The following TDRP variants were observed in gnomAD, a reference collection of about 807,000 sequenced individuals.
TDRP encodes the protein testis development related protein.
In TDRP, 12 loss-of-function variants were observed where a neutral mutation model predicts 10.5. The observed-to-expected ratio is 1.15, with a 90% CI of 0.73 to 1.86. The LOEUF is 1.86. Ranked by LOEUF, TDRP falls within the 40% of genes most tolerant of loss-of-function variation. The pLI is 0.00. For missense variants in TDRP, 353 were observed against 229.2 expected (o/e 1.54, Z -3.49); for synonymous variants, 139 against 95.4 (o/e 1.46, Z -2.67).
chr8:527,559 C>A (rs1802065563), intron 1 of TDRP, among the ~76,000 whole-genome samples: 1 of 152,128 alleles, frequency 6.6e-6, no homozygotes, highest in African/African-American at 2.4e-5. Context: ...CAAAAAGACA[C>A]ATAGGCCAAT....
chr8:545,015 G>A (rs866240667), upstream of TDRP: 1,770 of 287,030 alleles, frequency 6.2e-3, 42 homozygotes, highest in African/African-American at 0.038. Context: ...TCAGGACCAG[G>A]CCCGCCCCAA....
chr8:539,589 G>T (rs988851938), intron 1 of TDRP, among the ~76,000 whole-genome samples: 10 of 152,170 alleles, frequency 6.6e-5, no homozygotes, highest in Non-Finnish European at 1.3e-4. Context: ...TTTACTGCAG[G>T]TTAATGTCTG....
At position 491,748 on chromosome 8, in the gene TDRP, ATTCC is replaced by A; in HGVS notation, c.*647_*650del. 3 of 1,404,840 alleles carry A rather than the reference ATTCC, an allele frequency of 2.1e-6. No homozygotes were observed. Among genetic ancestry groups the A allele is most frequent in the South Asian group, 1.7e-5 (1 of 58,156 alleles). 87.0% of individuals were successfully genotyped at this position (1,404,840 alleles called of 1,614,324 possible). A position where few individuals can be genotyped will look rare whatever the true frequency, so the allele number is the denominator to read the frequency against. ...GAAGTTCAAAAGAGGTAAAAATAAA[ATTCC>A]AAAAAAGAACCACTGTTACTATCCA... On this transcript the variant is annotated 3_prime_UTR_variant, in exon 3 of 3. Coordinates refer to ENST00000324079, the MANE Select transcript of TDRP (RefSeq NM_001384899.1).
At chr8:499,253 A>G (rs1325154458) in intron 1 of TDRP, among the ~76,000 whole-genome samples, 1 of 147,304 alleles carries the variant, frequency 6.8e-6, no homozygotes, top group Non-Finnish European at 1.5e-5. Flanking sequence ...TTGTTTTTGG[A>G]GGCAGGGTCT....
At chr8:507,512 A>G (rs1320732305) in intron 1 of TDRP, among the ~76,000 whole-genome samples, 1 of 152,138 alleles carries the variant, frequency 6.6e-6, no homozygotes, top group Non-Finnish European at 1.5e-5. Context: ...ATCAGCAGCA[A>G]TTACTGGAAT....
chr8:521,717 T>C (rs1322387052), intron 1 of TDRP, among the ~76,000 whole-genome samples: 1 of 152,216 alleles, frequency 6.6e-6, no homozygotes, highest in Non-Finnish European at 1.5e-5. Context: ...TTGTTTTAGC[T>C]ATTCAGGTCA....
chr8:525,034 G>C (rs968265090), intron 1 of TDRP, among the ~76,000 whole-genome samples: 1 of 152,092 alleles, frequency 6.6e-6, no homozygotes, highest in African/African-American at 2.4e-5. Flanking sequence ...AACTCCTAAA[G>C]ACCAAAGATA....
chr8:542,417 C>G (rs1407245375), intron 1 of TDRP, among the ~76,000 whole-genome samples: 2 of 151,838 alleles, frequency 1.3e-5, no homozygotes, highest in Non-Finnish European at 2.9e-5. Context: ...GTAACAAACG[C>G]ACCATTCTGT....
intron 1 of TDRP, among the ~76,000 whole-genome samples, chr8:539,055 G>A (rs1802422660): frequency 6.6e-6 from 1 of 152,124 alleles, no homozygotes; most frequent in Non-Finnish European, 1.5e-5. Flanking sequence ...TCCCCCTGAA[G>A]GCATCAATAG....
intron 1 of TDRP, among the ~76,000 whole-genome samples, chr8:511,200 T>C (rs1341062267): frequency 6.6e-6 from 1 of 152,174 alleles, no homozygotes; most frequent in Non-Finnish European, 1.5e-5. Context: ...ACACTGGATT[T>C]TTAAAATACA....
intron 1 of TDRP, 90 bp from the exon 2 acceptor site, chr8:494,687 A>C: frequency 8.5e-7 from 1 of 1,179,814 alleles, no homozygotes; most frequent in Non-Finnish European, 1.2e-6. Flanking sequence ...GTTGAAATTT[A>C]GAAAAAAGAA....
intron 1 of TDRP, among the ~76,000 whole-genome samples, chr8:516,633 A>G (rs964737549): frequency 3.3e-5 from 5 of 152,194 alleles, no homozygotes; most frequent in African/African-American, 1.2e-4. Context: ...ATGGAGCAGC[A>G]GGAACTCTCG....
chr8:529,269 T>C (rs1345128226), intron 1 of TDRP, among the ~76,000 whole-genome samples: 1 of 152,168 alleles, frequency 6.6e-6, no homozygotes, highest in Admixed American at 6.5e-5. Context: ...CCCCTAAATA[T>C]ACACACCTAC....
At chr8:500,926 G>C (rs1020358256) in intron 1 of TDRP, among the ~76,000 whole-genome samples, 2 of 152,190 alleles carry the variant, frequency 1.3e-5, no homozygotes, top group Admixed American at 6.5e-5. Flanking sequence ...ACATGAGCAG[G>C]CCGGGCGCGG....
At chr8:494,031 T>C (rs1801059384) in intron 2 of TDRP, among the ~76,000 whole-genome samples, 1 of 143,974 alleles carries the variant, frequency 6.9e-6, no homozygotes, top group African/African-American at 2.6e-5. Flanking sequence ...AGTCTTGCTC[T>C]GTTGCCTCCG....
chr8:494,736 C>A (rs1186293651), intron 1 of TDRP, 139 bp from the exon 2 acceptor site: 2 of 705,932 alleles, frequency 2.8e-6, no homozygotes, highest in South Asian at 1.9e-5. Context: ...TACCTGTGCG[C>A]ACATAGTTTA....
At chr8:497,960 G>A (rs1801180201) in intron 1 of TDRP, among the ~76,000 whole-genome samples, 1 of 152,198 alleles carries the variant, frequency 6.6e-6, no homozygotes, top group South Asian at 2.1e-4. Context: ...AAAGTACACA[G>A]AAGGCAGGAG....
rs1275512665 is a variant in TDRP, at chr8:544,635, T to A, written c.108+15A>T. 1.6e-6 allele frequency: 2 copies of A among 1,233,912 alleles called. No homozygotes were observed. Among genetic ancestry groups the A allele is most frequent in the Non-Finnish European group, 2.0e-6 (2 of 988,474 alleles). The allele number at this position is 1,233,912 out of a possible 1,614,324, so 76.4% of individuals were successfully genotyped here. ...CCCCGGCCTACTAGCACTCCCCACC[T>A]GCGCACCCCCTCACCTGCGCCTGGG... On this transcript the variant is annotated intron_variant, in intron 1 of 2. Transcript: ENST00000324079.
At chr8:508,060 A>G (rs1801512213) in intron 1 of TDRP, among the ~76,000 whole-genome samples, 1 of 152,240 alleles carries the variant, frequency 6.6e-6, no homozygotes, top group Admixed American at 6.5e-5. Context: ...AGAAGACTTC[A>G]AAGAACCATT....
Sources: gnomAD v4.1 joint callset for allele counts (sites outside exome capture counted in the v4.1 genomes callset) on GRCh38, gnomAD v4.1.1 for gene constraint, MANE v1.5 for transcripts, NCBI Gene and HGNC (gene_info 2026-07-23, HGNC 2026-07-21) for gene names.